Variants in PRORP observed in about 807,000 individuals in gnomAD.
PRORP encodes mitochondrial ribonuclease P catalytic subunit.
A neutral mutation model predicts 59.4 loss-of-function variants in PRORP; 51 were observed. The observed-to-expected ratio is 0.86, with a 90% CI of 0.69 to 1.08. The LOEUF (loss-of-function observed/expected upper bound fraction) is 1.08, where lower values mean the gene tolerates loss of function less well. Among genes scored for constraint, PRORP ranks in the 50% least tolerant of loss-of-function variants. The probability of loss-of-function intolerance (pLI) is 0.00; values close to 1 mark genes in which losing one functional copy is unlikely to be tolerated. For synonymous variants in PRORP, 231 were observed against 245.6 expected (o/e 0.94, Z 0.55); for missense variants, 646 against 690.3 (o/e 0.94, Z 0.72).
At chr14:35,258,258 C>T (rs1009937259) in intron 5 of PRORP, among the ~76,000 whole-genome samples, 8 of 152,066 alleles carry the variant, frequency 5.3e-5, no homozygotes, top group African/African-American at 1.9e-4. Context: ...TCTCAAAGCA[C>T]TGGGATTACA....
At chr14:35,160,270 A>C (rs1055960242) in intron 4 of PRORP, among the ~76,000 whole-genome samples, 1 of 151,960 alleles carries the variant, frequency 6.6e-6, no homozygotes, top group African/African-American at 2.4e-5. Flanking sequence ...GGACTCTTTC[A>C]CCTTTTGGTT....
Position 35,266,707 on chromosome 14 carries a change from T to A in PRORP, c.1276-20T>A. On this transcript the variant is annotated intron_variant, in intron 5 of 7. Transcript: ENST00000534898. ...GAGTCTTCCCTTGAACTTTTGTGGT[T>A]CTGGCTTTGTGTTTTTTAGCTCTTG... 6.2e-7 allele frequency: 1 copy of A among 1,612,512 alleles called. No individual in the cohort carries two copies. The highest frequency in any genetic ancestry group is 1.7e-4 in the Middle Eastern group (1 of 6,056).
At chr14:35,239,079 TGTG>T (rs2050292604) in intron 5 of PRORP, among the ~76,000 whole-genome samples, 1 of 151,982 alleles carries the variant, frequency 6.6e-6, no homozygotes, top group Admixed American at 6.6e-5. Flanking sequence ...CTAGGCCAGG[TGTG>T]GTGGTGGCTC....
intron 5 of PRORP, among the ~76,000 whole-genome samples, chr14:35,202,734 G>T (rs1464119146): frequency 6.6e-6 from 1 of 151,852 alleles, no homozygotes. Context: ...GACTCAAGCA[G>T]TCCTTCCGCC....
intron 5 of PRORP, among the ~76,000 whole-genome samples, chr14:35,265,528 T>C (rs1051168013): frequency 3.3e-5 from 5 of 152,056 alleles, no homozygotes; most frequent in Admixed American, 2.6e-4. Flanking sequence ...CACAATGAAG[T>C]GGAGGCCAGT....
intron 5 of PRORP, among the ~76,000 whole-genome samples, chr14:35,217,917 A>C (rs1033539715): frequency 6.6e-6 from 1 of 152,132 alleles, no homozygotes; most frequent in Non-Finnish European, 1.5e-5. Flanking sequence ...TGTTTTGGCT[A>C]TTCTTGGTCC....
chr14:35,231,166 T>G (rs2050070000), intron 5 of PRORP, among the ~76,000 whole-genome samples: 1 of 152,184 alleles, frequency 6.6e-6, no homozygotes, highest in Admixed American at 6.5e-5. Context: ...AAGTTCAAGG[T>G]TTACTACCTT....
chr14:35,171,337 A>G (rs555335877), intron 4 of PRORP, among the ~76,000 whole-genome samples: 5 of 152,242 alleles, frequency 3.3e-5, no homozygotes, highest in African/African-American at 1.2e-4. Context: ...GTTTTCATTT[A>G]CCTGAATATA....
rs186214742 is a variant in PRORP at position 35,139,017 on chromosome 14, C to T, written c.1167+11406C>T. Among the ~76,000 whole-genome samples the T allele has an allele frequency of 3.0e-3, 433 of 145,704 alleles. 12 individuals carry two copies. Among genetic ancestry groups the T allele is most frequent in the African/African-American group, 0.01 (424 of 41,152 alleles). ...TGTTGGCTAGGCTGGTGTCGAACTC[C>T]TGACCAAAAGTGATCCACCCACCTC... On this transcript the variant is annotated intron_variant, in intron 4 of 7. Transcript: ENST00000534898.
chr14:35,211,102 C>T (rs1469588994), intron 5 of PRORP, among the ~76,000 whole-genome samples: 1 of 152,094 alleles, frequency 6.6e-6, no homozygotes, highest in Non-Finnish European at 1.5e-5. Context: ...AAGCAAATTA[C>T]TACAGGCCTC....
rs537305788 is a variant in PRORP, at chr14:35,196,915, A to C, written c.1275+16138A>C. On this transcript the variant is annotated intron_variant, in intron 5 of 7. Coordinates refer to ENST00000534898, the MANE Select transcript of PRORP (RefSeq NM_014672.4). ...TGTCAGGTGGGTTTTTAGTGAAGTGATCAAGGGCATAACTAGCAAGATGAA... is the reference window on the plus strand; with the variant it reads ...TGTCAGGTGGGTTTTTAGTGAAGTGCTCAAGGGCATAACTAGCAAGATGAA... 4.6e-5 allele frequency among the ~76,000 whole-genome samples: 7 copies of C among 152,320 alleles called. No individual in the cohort carries two copies. The East Asian group carries it at 1.4e-3, about 29-fold the overall frequency.
intron 5 of PRORP, chr14:35,263,114 A>G (rs933563600): frequency 1.0e-6 from 1 of 960,704 alleles, no homozygotes; most frequent in Non-Finnish European, 1.6e-6. Flanking sequence ...AAATGATGCA[A>G]AAGACCTATT....
At chr14:35,236,879 A>G (rs372187371) in intron 5 of PRORP, among the ~76,000 whole-genome samples, 5 of 151,628 alleles carry the variant, frequency 3.3e-5, no homozygotes, top group Admixed American at 1.3e-4. Context: ...AGTCTTGCCA[A>G]TTTTACCTCC....
rs896349421 is a variant in PRORP, at chr14:35,122,961, C to G, written c.-285C>G. Reference sequence around the variant, plus strand: ...TGTGCTTTTTCCTCAGGTTCATGAACTGGAATGTAAGAGGCACCAGAGGAT... The same window carrying G: ...TGTGCTTTTTCCTCAGGTTCATGAAGTGGAATGTAAGAGGCACCAGAGGAT... On this transcript the variant is annotated 5_prime_UTR_variant, in exon 2 of 8. Transcript: ENST00000534898. 1 of 360,756 alleles carries G rather than the reference C, an allele frequency of 2.8e-6. No homozygotes were observed. The highest frequency in any genetic ancestry group is 4.0e-5 in the South Asian group (1 of 24,854). The allele number at this position is 360,756 out of a possible 1,614,324, so 22.3% of individuals were successfully genotyped here. A position where few individuals can be genotyped will look rare whatever the true frequency, so the allele number is the denominator to read the frequency against.
At chr14:35,234,118 T>C (rs964710042) in intron 5 of PRORP, among the ~76,000 whole-genome samples, 16 of 152,176 alleles carry the variant, frequency 1.1e-4, no homozygotes, top group African/African-American at 3.4e-4. Flanking sequence ...TTCAATGAAA[T>C]GTGTGCTCGA....
chr14:35,206,708 A>C (rs1005991693), intron 5 of PRORP, among the ~76,000 whole-genome samples: 21 of 152,190 alleles, frequency 1.4e-4, no homozygotes, highest in Non-Finnish European at 2.1e-4. Context: ...TGACTGGGTG[A>C]CTATAGGTAA....
At chr14:35,207,057 CT>C (rs1319910043) in intron 5 of PRORP, among the ~76,000 whole-genome samples, 1 of 151,980 alleles carries the variant, frequency 6.6e-6, no homozygotes, top group Non-Finnish European at 1.5e-5. Flanking sequence ...GGAGGCCTCT[CT>C]TTTTAAATTT....
At chr14:35,183,446 A>G (rs891359973) in intron 5 of PRORP, among the ~76,000 whole-genome samples, 4 of 152,150 alleles carry the variant, frequency 2.6e-5, no homozygotes, top group South Asian at 2.1e-4. Flanking sequence ...ATAATTTTGT[A>G]ATACTCTGTG....
At chr14:35,201,972 A>ATT (rs753624770) in intron 5 of PRORP, among the ~76,000 whole-genome samples, 13 of 112,398 alleles carry the variant, frequency 1.2e-4, no homozygotes, top group East Asian at 2.5e-4. Flanking sequence ...AATTATTATT[A>ATT]TTTTTTTTTT....
Sources: allele counts gnomAD v4.1 joint callset (sites outside exome capture counted in the v4.1 genomes callset), GRCh38; gene constraint gnomAD v4.1.1; transcripts MANE v1.5; gene names NCBI Gene and HGNC (gene_info 2026-07-23, HGNC 2026-07-21).